The following DENND1A variants were observed in gnomAD, a reference collection of about 807,000 sequenced individuals.
DENND1A encodes the protein DENN domain-containing protein 1A.
Under a neutral mutation model 113.7 loss-of-function variants are expected in DENND1A, and 51 were observed. The observed-to-expected ratio is 0.45, with a 90% confidence interval of 0.36 to 0.57. The LOEUF (loss-of-function observed/expected upper bound fraction) is 0.57. Among genes scored for constraint, DENND1A ranks in the 20% least tolerant of loss-of-function variants. The pLI is 0.00. For synonymous variants in DENND1A, 565 were observed against 570.8 expected (o/e 0.99, Z 0.14); for missense variants, 1,258 against 1,395.9 (o/e 0.90, Z 1.57).
At chr9:123,783,706 CTT>C (rs2131883234) in intron 3 of DENND1A, among the ~76,000 whole-genome samples, 1 of 152,290 alleles carries the variant, frequency 6.6e-6, no homozygotes, top group East Asian at 1.9e-4. Flanking sequence ...AGTCCAAGCT[CTT>C]AATCACCACA....
chr9:123,854,357 A>T (rs1421608429), intron 2 of DENND1A, among the ~76,000 whole-genome samples: 2 of 152,184 alleles, frequency 1.3e-5, no homozygotes, highest in Non-Finnish European at 2.9e-5. Context: ...TCTCAGATTT[A>T]AAAATAAAAT....
intron 2 of DENND1A, among the ~76,000 whole-genome samples, chr9:123,874,166 A>T (rs1435332762): frequency 6.6e-6 from 1 of 151,592 alleles, no homozygotes; most frequent in Non-Finnish European, 1.5e-5. Flanking sequence ...TGGGCAACAA[A>T]GTAAGAGCCC....
At chr9:123,414,437 A>C in intron 19 of DENND1A, 1 of 1,467,218 alleles carries the variant, frequency 6.8e-7, no homozygotes, top group Non-Finnish European at 9.0e-7. Flanking sequence ...AGATGAAATC[A>C]TCTCAGTGGA....
intron 5 of DENND1A, among the ~76,000 whole-genome samples, chr9:123,730,034 G>C (rs768982040): frequency 5.3e-5 from 8 of 152,170 alleles, no homozygotes; most frequent in Non-Finnish European, 1.0e-4. Flanking sequence ...AATAAATGGT[G>C]TTGTGAAAAC....
At chr9:123,630,332 G>A (rs1206951379) in intron 10 of DENND1A, 44 bp downstream of exon 10, 1 of 1,357,510 alleles carries the variant, frequency 7.4e-7, no homozygotes, top group Admixed American at 2.7e-5. Context: ...CGCCCAGTCA[G>A]ATCAGGGCAA....
At chr9:123,597,370 C>T (rs911369192) in intron 11 of DENND1A, among the ~76,000 whole-genome samples, 1 of 152,170 alleles carries the variant, frequency 6.6e-6, no homozygotes, top group African/African-American at 2.4e-5. Flanking sequence ...AATCTCTTAA[C>T]TTTTCAAACA....
intron 2 of DENND1A, among the ~76,000 whole-genome samples, chr9:123,796,768 C>CACACACAT (rs1833839984): frequency 6.7e-6 from 1 of 150,006 alleles, no homozygotes; most frequent in Non-Finnish European, 1.5e-5. Flanking sequence ...CACACACACA[C>CACACACAT]ACACACACAC....
intron 13 of DENND1A, among the ~76,000 whole-genome samples, chr9:123,516,691 T>G (rs1588941881): frequency 6.6e-6 from 1 of 151,534 alleles, no homozygotes; most frequent in Admixed American, 6.6e-5. Context: ...ATCGAGACTA[T>G]CCTGGCCAAC....
At chr9:123,887,680 C>A (rs999344118) in intron 1 of DENND1A, among the ~76,000 whole-genome samples, 9 of 151,540 alleles carry the variant, frequency 5.9e-5, no homozygotes, top group African/African-American at 2.2e-4. Flanking sequence ...AGAGTCCAAG[C>A]AGGGCAGTGG....
At chr9:123,824,127 T>C (rs1277451755) in intron 2 of DENND1A, among the ~76,000 whole-genome samples, 2 of 152,090 alleles carry the variant, frequency 1.3e-5, no homozygotes, top group Non-Finnish European at 2.9e-5. Flanking sequence ...CAGCTAACAT[T>C]TACTGAACAT....
chr9:123,750,547 C>G (rs1398017454), intron 5 of DENND1A, among the ~76,000 whole-genome samples: 1 of 152,198 alleles, frequency 6.6e-6, no homozygotes, highest in African/African-American at 2.4e-5. Context: ...GACCCACAGT[C>G]GGTGAAATTA....
At chr9:123,587,226 G>C (rs892312540) in intron 11 of DENND1A, among the ~76,000 whole-genome samples, 1 of 152,162 alleles carries the variant, frequency 6.6e-6, no homozygotes, top group African/African-American at 2.4e-5. Flanking sequence ...CTTTAACATA[G>C]CATTTGTATG....
chr9:123,417,652 T>TA (rs1458224386), intron 19 of DENND1A, among the ~76,000 whole-genome samples: 1 of 152,268 alleles, frequency 6.6e-6, no homozygotes, highest in Non-Finnish European at 1.5e-5. Flanking sequence ...AATCTGTTGT[T>TA]AGAGATCTGT....
chr9:123,858,460 G>A (rs945461525), intron 2 of DENND1A, among the ~76,000 whole-genome samples: 14 of 152,192 alleles, frequency 9.2e-5, no homozygotes, highest in African/African-American at 2.4e-4. Flanking sequence ...AGTCTAGGGT[G>A]ACTTTCAGGC....
chr9:123,725,333 G>A (rs1331120693), intron 5 of DENND1A, among the ~76,000 whole-genome samples: 1 of 152,190 alleles, frequency 6.6e-6, no homozygotes, highest in East Asian at 1.9e-4. Flanking sequence ...GGTCTTTGAT[G>A]TGACTCAGTG....
chr9:123,758,838 G>T (rs1298478523), intron 4 of DENND1A, among the ~76,000 whole-genome samples: 1 of 152,146 alleles, frequency 6.6e-6, no homozygotes, highest in African/African-American at 2.4e-5. Context: ...GTCTCGCTCT[G>T]TTGCCAGGCT....
intron 13 of DENND1A, among the ~76,000 whole-genome samples, chr9:123,537,552 A>C (rs1159761880): frequency 6.6e-6 from 1 of 152,052 alleles, no homozygotes; most frequent in Non-Finnish European, 1.5e-5. Context: ...AATTAAAAAA[A>C]AAGGATGTAT....
rs370814861 is a variant in DENND1A at position 123,909,027 on chromosome 9, G to T, written c.17+20862C>A. On this transcript the variant is annotated intron_variant, in intron 1 of 23. Transcript: ENST00000394215. Reference sequence around the variant, plus strand: ...GGAATACTATGCAGCCATAAAAAATGATGAGTTCATGTCCTTTGTAGGGAC... The same window carrying T: ...GGAATACTATGCAGCCATAAAAAATTATGAGTTCATGTCCTTTGTAGGGAC... 1.2e-4 allele frequency among the ~76,000 whole-genome samples: 19 copies of T among 152,264 alleles called. No individual in the cohort carries two copies. The East Asian group carries it at 2.7e-3, about 22-fold the overall frequency.
intron 8 of DENND1A, among the ~76,000 whole-genome samples, chr9:123,652,499 A>C (rs1191852214): frequency 6.6e-6 from 1 of 152,228 alleles, no homozygotes; most frequent in Non-Finnish European, 1.5e-5. Flanking sequence ...TGAAGACAGG[A>C]CTGCTGCTCA....
Sources: gnomAD v4.1 joint callset for allele counts (sites outside exome capture counted in the v4.1 genomes callset) on GRCh38, gnomAD v4.1.1 for gene constraint, MANE v1.5 for transcripts, NCBI Gene and HGNC (gene_info 2026-07-23, HGNC 2026-07-21) for gene names.